Variants in MARK2 observed in about 807,000 individuals in gnomAD.
The protein encoded by MARK2 is microtubule affinity regulating kinase 2.
In MARK2, 16 loss-of-function variants were observed where a neutral mutation model predicts 89.8. The observed-to-expected ratio is 0.18, with a 90% CI of 0.12 to 0.27. The LOEUF (loss-of-function observed/expected upper bound fraction) is 0.27. Ranked by LOEUF, MARK2 falls within the 10% of genes least tolerant of loss-of-function variation. The pLI, the probability that MARK2 is intolerant of heterozygous loss-of-function variation, is 1.00. For synonymous variants in MARK2, 382 were observed against 399.5 expected, an observed-to-expected ratio of 0.96 and a Z score of 0.52; for missense variants, 621 against 1,049.9, an observed-to-expected ratio of 0.59 and a Z score of 5.65.
chr11:63,899,837 C>G (rs764554218), intron 7 of MARK2, 37 bp from the exon 8 acceptor site: 1 of 1,407,320 alleles, frequency 7.1e-7, no homozygotes, highest in East Asian at 2.3e-5. Context: ...TAGTCTGGTC[C>G]ACTTGGTTCC....
At chr11:63,898,708 C>CA (rs759329315) in intron 5 of MARK2, 35 bp downstream of exon 5, 6 of 1,610,946 alleles carry the variant, frequency 3.7e-6, no homozygotes, top group Non-Finnish European at 5.1e-6. Flanking sequence ...GTTGTGCCCC[C>CA]ACTTCTTCCA....
At chr11:63,908,659 C>T (rs1941544681) in intron 18 of MARK2, among the ~76,000 whole-genome samples, 1 of 152,200 alleles carries the variant, frequency 6.6e-6, no homozygotes, top group African/African-American at 2.4e-5. Context: ...TGACCCCACC[C>T]CGCCTACCCC....
At chr11:63,890,153 C>A in intron 1 of MARK2, 1 of 1,062,092 alleles carries the variant, frequency 9.4e-7, no homozygotes, top group Non-Finnish European at 1.3e-6. Context: ...GGGGCCTTGG[C>A]CCAAGAAGCA....
At chr11:63,856,307 GGTTTTTTTTTTTT>G (rs1223016766) in intron 1 of MARK2, among the ~76,000 whole-genome samples, 34 of 108,556 alleles carry the variant, frequency 3.1e-4, no homozygotes, top group Admixed American at 2.6e-3. Flanking sequence ...TGGCCCTGTG[GGTTTTTTTTTTTT>G]GTTTTTTTTT....
chr11:63,904,030 C>T lies in MARK2; in HGVS notation c.1559C>T (p.Ala520Val). The change falls in exon 15 of 19, where the codon GCC becomes GTC. Residue 520 changes from alanine (A) to valine (V), a missense_variant. Physicochemically the swap from Ala to Val is moderately conservative, Grantham distance 64. Transcript: ENST00000402010. The surrounding 1 kb of genome is among the most constrained non-coding windows in gnomAD (Gnocchi z 6.3). ...GSRASTASAS[A>V]AVSAARPRQH... ...CGGGCCTCCACGGCTTCTGCTTCTG[C>T]CGCAGTCTCTGCGGCCCGGCCCCGC... 6.2e-7 allele frequency: 1 copy of T among 1,608,570 alleles called. No homozygotes were observed. Among genetic ancestry groups the T allele is most frequent in the Non-Finnish European group, 8.5e-7 (1 of 1,179,522 alleles).
rs144588253 is a variant in MARK2 at position 63,894,333 on chromosome 11, C to T, written c.55-826C>T. On this transcript the variant is annotated intron_variant, in intron 1 of 18. Transcript: ENST00000402010. The stretch of plus-strand genomic sequence containing the variant: ...AGCGGCAGAAATTTCGTCTCCTACG[C>T]GGGAGACTCGGGTTCGACTTCGGCC... Among the ~76,000 whole-genome samples the T allele has an allele frequency of 5.0e-3, 766 of 152,296 alleles. 3 individuals carry two copies. The highest frequency in any genetic ancestry group is 0.015 in the South Asian group (72 of 4,828).
At chr11:63,863,948 T>TTTA (rs1937974433) in intron 1 of MARK2, among the ~76,000 whole-genome samples, 1 of 151,778 alleles carries the variant, frequency 6.6e-6, no homozygotes, top group African/African-American at 2.4e-5. Flanking sequence ...ATTTTTTTAT[T>TTTA]TTTATTTATT....
intron 1 of MARK2, among the ~76,000 whole-genome samples, chr11:63,864,260 T>G (rs1937998849): frequency 6.6e-6 from 1 of 150,584 alleles, no homozygotes; most frequent in African/African-American, 2.5e-5. Context: ...AGCCTATTTA[T>G]TTATTTTTTG....
At chr11:63,876,171 T>G (rs2135276002) in intron 1 of MARK2, among the ~76,000 whole-genome samples, 1 of 152,256 alleles carries the variant, frequency 6.6e-6, no homozygotes, top group Non-Finnish European at 1.5e-5. Flanking sequence ...TCTGCCTGGG[T>G]GCAGACTTGA....
intron 18 of MARK2, 127 bp from the exon 19 acceptor site, chr11:63,908,750 G>T: frequency 1.1e-6 from 1 of 946,780 alleles, no homozygotes; most frequent in Non-Finnish European, 1.5e-6. Flanking sequence ...CAGGCCAGGG[G>T]CCACGCCTGG....
chr11:63,893,618 A>C (rs1417794629), intron 1 of MARK2, among the ~76,000 whole-genome samples: 5 of 152,082 alleles, frequency 3.3e-5, no homozygotes, highest in Admixed American at 3.3e-4. Flanking sequence ...TGAGGAATGT[A>C]CACGTCTTCA....
rs1380241955 is a variant in MARK2, at chr11:63,904,798, G to T, written c.1689G>T (p.Gln563His). The change falls in exon 16 of 19, where the codon CAG (glutamine) becomes CAT (histidine). Residue 563 changes from glutamine (Q) to histidine (H), a missense_variant. Gln to His is a conservative substitution (Grantham distance 24, BLOSUM62 0). Around this residue, in one of 5 missense-constraint regions of MARK2, gnomAD observed 397 missense variants for 567.8 expected, o/e 0.70. Transcript: ENST00000402010. This position sits in a 1 kb window ranked among gnomAD's most constrained non-coding sequence, Gnocchi z 6.3. ...TCTCTTCCCACAGCACAGCCCCCCA[G>T]CGTGTCCCTGTTGCCTCCCCATCCG... ...CEVPRPSTAP[Q>H]RVPVASPSAH... 1 of 1,613,950 alleles carries T rather than the reference G, an allele frequency of 6.2e-7. No individual in the cohort carries two copies. The highest frequency in any genetic ancestry group is 8.5e-7 in the Non-Finnish European group (1 of 1,179,932).
At chr11:63,888,795 G>T in intron 1 of MARK2, 1 of 1,265,574 alleles carries the variant, frequency 7.9e-7, no homozygotes, top group Non-Finnish European at 1.0e-6. Context: ...GGAGGTGGTG[G>T]AAGGTGTCGC....
chr11:63,884,416 T>C (rs544300406), intron 1 of MARK2, among the ~76,000 whole-genome samples: 1 of 152,358 alleles, frequency 6.6e-6, no homozygotes, highest in African/African-American at 2.4e-5. Flanking sequence ...CCAGGCAGGC[T>C]TGAGTCCTGG....
chr11:63,898,472 G>A (rs1205241978), intron 4 of MARK2, 136 bp from the exon 5 acceptor site: 3 of 898,548 alleles, frequency 3.3e-6, no homozygotes, highest in Non-Finnish European at 5.4e-6. Context: ...GCTGGCATGA[G>A]AGGAACTTGT....
intron 1 of MARK2, among the ~76,000 whole-genome samples, chr11:63,863,165 C>A (rs748533518): frequency 8.5e-5 from 13 of 152,112 alleles, no homozygotes; most frequent in Non-Finnish European, 1.6e-4. Context: ...GCCACTACTT[C>A]CTGTTTGCAT....
chr11:63,854,278 C>A (rs2016729358), intron 1 of MARK2, among the ~76,000 whole-genome samples: 1 of 151,104 alleles, frequency 6.6e-6, no homozygotes, highest in South Asian at 2.1e-4. Flanking sequence ...CCGCCCACTG[C>A]AACCTCTGCC....
At position 63,902,093 on chromosome 11, in the gene MARK2, G is replaced by A; in HGVS notation, c.1102-105G>A. The A allele has an allele frequency of 8.0e-7, 1 of 1,244,700 alleles. No individual in the cohort carries two copies. Among genetic ancestry groups the A allele is most frequent in the Non-Finnish European group, 1.1e-6 (1 of 881,244 alleles). 77.1% of individuals were successfully genotyped at this position (1,244,700 alleles called of 1,614,324 possible). ...CAAGTGGATGTCCGGTATGATCCTG[G>A]GGTGTTTGAGTGTTGGGAGAGGGCG... is the stretch of plus-strand genomic sequence containing the variant. On this transcript the variant is annotated intron_variant, in intron 11 of 18. Coordinates refer to ENST00000402010, the MANE Select transcript of MARK2 (RefSeq NM_001039469.3). The surrounding 1 kb of genome is among the most constrained non-coding windows in gnomAD (Gnocchi z 4.2).
intron 1 of MARK2, among the ~76,000 whole-genome samples, chr11:63,847,532 ATTTTC>A (rs1486805266): frequency 2.6e-5 from 4 of 152,052 alleles, no homozygotes; most frequent in Non-Finnish European, 2.9e-5. Flanking sequence ...GCCTTGGCCT[ATTTTC>A]TTGTGTGCTC....
Sources: gnomAD v4.1 joint callset for allele counts (sites outside exome capture counted in the v4.1 genomes callset) on GRCh38, gnomAD v4.1.1 for gene constraint, gnomAD v4.1.1 regional missense constraint, Gnocchi (gnomAD v3.1) non-coding constraint, MANE v1.5 for transcripts, NCBI Gene and HGNC (gene_info 2026-07-23, HGNC 2026-07-21) for gene names.